The following NAALADL2 variants were observed in gnomAD, a reference collection of about 807,000 sequenced individuals.
NAALADL2 encodes N-acetylated alpha-linked acidic dipeptidase like 2.
Under a neutral mutation model 87.2 loss-of-function variants are expected in NAALADL2, and 76 were observed. The observed-to-expected ratio is 0.87, with a 90% CI of 0.72 to 1.05. NAALADL2 has a LOEUF of 1.05. Ranked by LOEUF, NAALADL2 falls within the 50% of genes least tolerant of loss-of-function variation. NAALADL2 has a pLI of 0.00. For synonymous variants in NAALADL2, 354 were observed against 331.0 expected (o/e 1.07, Z -0.75); for missense variants, 1,089 against 945.8 (o/e 1.15, Z -1.99).
At chr3:174,924,310 T>G (rs1432128236) in intron 1 of NAALADL2, among the ~76,000 whole-genome samples, 3 of 147,336 alleles carry the variant, frequency 2.0e-5, no homozygotes, top group Non-Finnish European at 3.0e-5. Context: ...GAACATGTGG[T>G]GTTTGGTTTT....
intron 3 of NAALADL2, among the ~76,000 whole-genome samples, chr3:174,765,980 T>G (rs948762350): frequency 2.6e-5 from 4 of 152,132 alleles, no homozygotes; most frequent in African/African-American, 9.7e-5. Context: ...CAACCTTATT[T>G]TCACTGCTAG....
At chr3:174,803,086 C>G (rs1719030241) in intron 3 of NAALADL2, among the ~76,000 whole-genome samples, 1 of 152,156 alleles carries the variant, frequency 6.6e-6, no homozygotes, top group Non-Finnish European at 1.5e-5. Context: ...CTACTTTACG[C>G]TCCCACCAAC....
intron 1 of NAALADL2, among the ~76,000 whole-genome samples, chr3:174,542,523 AACTATAGTG>A (rs966696638): frequency 1.4e-4 from 22 of 152,162 alleles, no homozygotes; most frequent in African/African-American, 4.8e-4. Context: ...GGAAGACACA[AACTATAGTG>A]AGAGGTTAAA....
At chr3:174,895,966 A>C (rs746252219) in intron 1 of NAALADL2, among the ~76,000 whole-genome samples, 3 of 152,186 alleles carry the variant, frequency 2.0e-5, no homozygotes, top group African/African-American at 7.2e-5. Context: ...TTGATGCTGA[A>C]AAAGCATTTG....
Position 175,511,164 on chromosome 3 carries a change from G to T in NAALADL2, c.1653+39406G>T, listed in dbSNP as rs951019034. ...ACCACCAATCACTCCTGCAGTGGTC[G>T]TTCCTAGATAACCTGACCCAAGCTA... On this transcript the variant is annotated intron_variant, in intron 9 of 13. Coordinates refer to ENST00000454872, the MANE Select transcript of NAALADL2 (RefSeq NM_207015.3). 4.6e-5 allele frequency among the ~76,000 whole-genome samples: 7 copies of T among 152,232 alleles called. No individual in the cohort carries two copies. The South Asian group carries it at 1.5e-3, about 32-fold the overall frequency.
chr3:175,331,797 AAAG>A (rs1393626172), intron 5 of NAALADL2, among the ~76,000 whole-genome samples: 3 of 152,174 alleles, frequency 2.0e-5, no homozygotes, highest in African/African-American at 7.2e-5. Context: ...CCACATTGGA[AAAG>A]AAGAAGTCAA....
At chr3:175,595,092 A>C (rs560607389) in intron 10 of NAALADL2, among the ~76,000 whole-genome samples, 5 of 152,136 alleles carry the variant, frequency 3.3e-5, no homozygotes, top group Non-Finnish European at 7.4e-5. Context: ...CACGAAGGGT[A>C]TTTCCTATGT....
At chr3:174,947,031 A>G (rs1285436906) in intron 1 of NAALADL2, among the ~76,000 whole-genome samples, 1 of 152,134 alleles carries the variant, frequency 6.6e-6, no homozygotes, top group Non-Finnish European at 1.5e-5. Context: ...GTAACCCTTC[A>G]CCTCAGCTCA....
At chr3:174,691,372 A>C (rs1192286963) in intron 2 of NAALADL2, among the ~76,000 whole-genome samples, 1 of 151,986 alleles carries the variant, frequency 6.6e-6, no homozygotes, top group Non-Finnish European at 1.5e-5. Flanking sequence ...AGATCGCGCC[A>C]CTGCACTCTG....
chr3:175,067,014 A>G (rs1714653689), intron 1 of NAALADL2, among the ~76,000 whole-genome samples: 1 of 152,176 alleles, frequency 6.6e-6, no homozygotes, highest in Admixed American at 6.6e-5. Flanking sequence ...TCAATACTGA[A>G]TCCTCAGTTT....
chr3:174,974,321 T>A (rs543839630), intron 1 of NAALADL2, among the ~76,000 whole-genome samples: 1 of 152,238 alleles, frequency 6.6e-6, no homozygotes, highest in South Asian at 2.1e-4. Flanking sequence ...GTGAGACTTA[T>A]ACAATTTTCT....
chr3:175,627,085 T>C (rs1042646576), intron 10 of NAALADL2, among the ~76,000 whole-genome samples: 2 of 151,846 alleles, frequency 1.3e-5, no homozygotes, highest in Non-Finnish European at 2.9e-5. Flanking sequence ...TCAAACAAGA[T>C]GGGACATAAC....
chr3:175,698,483 T>TTACATATATATATATA (rs1553953641), intron 11 of NAALADL2, among the ~76,000 whole-genome samples: 10 of 67,774 alleles, frequency 1.5e-4, no homozygotes, highest in African/African-American at 8.1e-4. Flanking sequence ...GTATATATAT[T>TTACATATATATATATA]TATATATATA....
At chr3:174,654,871 G>T (rs1724743922) in intron 2 of NAALADL2, among the ~76,000 whole-genome samples, 1 of 152,066 alleles carries the variant, frequency 6.6e-6, no homozygotes, top group South Asian at 2.1e-4. Flanking sequence ...GAGTATCTGG[G>T]ACTACAGGCG....
At chr3:175,780,077 G>T (rs1750817826) in intron 13 of NAALADL2, among the ~76,000 whole-genome samples, 1 of 151,142 alleles carries the variant, frequency 6.6e-6, no homozygotes, top group Non-Finnish European at 1.5e-5. Flanking sequence ...GACCATCCTG[G>T]TTAACACGGT....
chr3:175,210,246 T>C (rs1741571097), intron 2 of NAALADL2, among the ~76,000 whole-genome samples: 1 of 151,758 alleles, frequency 6.6e-6, no homozygotes, highest in African/African-American at 2.4e-5. Flanking sequence ...TGAAAGGATA[T>C]ATATAAAATG....
At chr3:175,079,883 G>T (rs1717404757) in intron 1 of NAALADL2, among the ~76,000 whole-genome samples, 1 of 151,964 alleles carries the variant, frequency 6.6e-6, no homozygotes, top group Non-Finnish European at 1.5e-5. Context: ...CCTCAATTTA[G>T]CTTTCTGTCT....
At chr3:175,435,053 TATC>T (rs964066460) in intron 5 of NAALADL2, among the ~76,000 whole-genome samples, 2 of 152,004 alleles carry the variant, frequency 1.3e-5, no homozygotes, top group Non-Finnish European at 2.9e-5. Flanking sequence ...GGGAATTAAT[TATC>T]ATATATACAA....
At chr3:174,826,026 TCAAA>T (rs1721946027) in intron 3 of NAALADL2, among the ~76,000 whole-genome samples, 1 of 137,408 alleles carries the variant, frequency 7.3e-6, no homozygotes, top group Non-Finnish European at 1.6e-5. Context: ...AGACTCCATC[TCAAA>T]CAACAACAAC....
Sources: gnomAD v4.1 joint callset for allele counts (sites outside exome capture counted in the v4.1 genomes callset) on GRCh38, gnomAD v4.1.1 for gene constraint, MANE v1.5 for transcripts, NCBI Gene and HGNC (gene_info 2026-07-23, HGNC 2026-07-21) for gene names.